TBC1D5: variants seen among roughly 807,000 people sequenced by gnomAD.
The protein encoded by TBC1D5 is TBC1 domain family member 5.
Under a neutral mutation model 100.3 loss-of-function variants are expected in TBC1D5, and 75 were observed. The observed-to-expected ratio is 0.75, with a 90% CI of 0.62 to 0.91. The LOEUF is 0.91. TBC1D5 is among the 40% of genes least tolerant of loss of function. The pLI is 0.00. For missense variants in TBC1D5, 910 were observed against 942.4 expected, an observed-to-expected ratio of 0.97 and a Z score of 0.45; for synonymous variants, 323 against 325.6, an observed-to-expected ratio of 0.99 and a Z score of 0.09.
Position 17,354,724 on chromosome 3 carries a change from A to G in TBC1D5, c.995+17351T>C, listed in dbSNP as rs75056230. ...AAATATGAAAAAAGGAGTAAAAAAA[A>G]AAACCCCAGAGAAACTGATTTAACT... On this transcript the variant is annotated intron_variant, in intron 13 of 21. Coordinates refer to ENST00000253692, the Ensembl canonical transcript of TBC1D5. 5.0e-3 allele frequency among the ~76,000 whole-genome samples: 754 copies of G among 152,056 alleles called. 13 individuals are homozygous for G. The East Asian group carries it at 0.073, about 15-fold the overall frequency.
At chr3:17,602,213 T>C (rs1190939985) in intron 2 of TBC1D5, among the ~76,000 whole-genome samples, 1 of 152,198 alleles carries the variant, frequency 6.6e-6, no homozygotes, top group Non-Finnish European at 1.5e-5. Flanking sequence ...AGTATACCTA[T>C]CAGTAATGTG....
chr3:17,277,394 T>C (rs1261915675), intron 15 of TBC1D5, among the ~76,000 whole-genome samples: 3 of 152,224 alleles, frequency 2.0e-5, no homozygotes, highest in South Asian at 4.1e-4. Flanking sequence ...GGGTGGCACA[T>C]AGTTCAAGAA....
intron 15 of TBC1D5, among the ~76,000 whole-genome samples, chr3:17,272,387 A>G (rs1471804853): frequency 6.6e-6 from 1 of 152,236 alleles, no homozygotes; most frequent in African/African-American, 2.4e-5. Context: ...TGAGGCATCA[A>G]TTAAGCAGAA....
intron 15 of TBC1D5, among the ~76,000 whole-genome samples, chr3:17,281,411 T>C (rs913667966): frequency 6.6e-6 from 1 of 152,194 alleles, no homozygotes; most frequent in Non-Finnish European, 1.5e-5. Flanking sequence ...ATGAGGACCA[T>C]ACTCATGTAT....
At chr3:17,645,886 T>A (rs759667205) in intron 1 of TBC1D5, among the ~76,000 whole-genome samples, 11 of 152,188 alleles carry the variant, frequency 7.2e-5, no homozygotes, top group Middle Eastern at 3.4e-3. Context: ...ACAACTCATG[T>A]CTCTCTTTCC....
At chr3:17,706,127 G>C (rs554487757) in intron 1 of TBC1D5, 12 of 1,604,518 alleles carry the variant, frequency 7.5e-6, no homozygotes, top group Non-Finnish European at 9.3e-6. Context: ...CCAGCAAGTC[G>C]GGCTTGAGGC....
At chr3:17,562,269 C>T (rs2096563966) in intron 2 of TBC1D5, 1 of 151,706 alleles carries the variant, frequency 6.6e-6, no homozygotes, top group Admixed American at 6.6e-5. Context: ...AATGGCAAAA[C>T]ATAAATGGAT....
Position 17,689,411 on chromosome 3 carries a change from T to C in TBC1D5, c.-101+49932A>G, listed in dbSNP as rs1005424014. Among the ~76,000 whole-genome samples the C allele has an allele frequency of 3.3e-5, 5 of 151,242 alleles. No individual in the cohort carries two copies. In the South Asian group the frequency reaches 6.2e-4, roughly 19 times the overall value. ...AAAATTAGCTAGGCATGGTGCTGTGTGCCTATGGCCCCAGCTAGCCAGGAG... is the reference window on the plus strand; with the variant it reads ...AAAATTAGCTAGGCATGGTGCTGTGCGCCTATGGCCCCAGCTAGCCAGGAG... On this transcript the variant is annotated intron_variant, in intron 1 of 21. Coordinates refer to ENST00000253692, the Ensembl canonical transcript of TBC1D5.
At chr3:17,396,604 A>AT (rs1294841752) in intron 8 of TBC1D5, among the ~76,000 whole-genome samples, 1 of 152,060 alleles carries the variant, frequency 6.6e-6, no homozygotes, top group Non-Finnish European at 1.5e-5. Context: ...AAATCAATAA[A>AT]TTACTCAGTA....
At chr3:17,649,746 G>A (rs2065358703) in intron 1 of TBC1D5, among the ~76,000 whole-genome samples, 1 of 152,090 alleles carries the variant, frequency 6.6e-6, no homozygotes. Flanking sequence ...GATCCCTCAA[G>A]AATCTACAAT....
intron 3 of TBC1D5, among the ~76,000 whole-genome samples, chr3:17,476,854 T>C (rs1461691735): frequency 1.3e-5 from 2 of 152,056 alleles, no homozygotes; most frequent in African/African-American, 4.8e-5. Context: ...ATTTTTGTAC[T>C]GTTATAAATG....
chr3:17,312,960 C>A (rs1272918876), intron 13 of TBC1D5, among the ~76,000 whole-genome samples: 1 of 152,138 alleles, frequency 6.6e-6, no homozygotes, highest in East Asian at 1.9e-4. Flanking sequence ...ACACACATAC[C>A]TCTTTCAGAT....
chr3:17,570,183 C>T (rs2096618204), intron 2 of TBC1D5, among the ~76,000 whole-genome samples: 1 of 151,932 alleles, frequency 6.6e-6, no homozygotes, highest in Admixed American at 6.6e-5. Flanking sequence ...AGTTAACTGG[C>T]CCATACATCC....
chr3:17,524,991 G>A (rs2096113729), intron 2 of TBC1D5, among the ~76,000 whole-genome samples: 1 of 151,868 alleles, frequency 6.6e-6, no homozygotes, highest in African/African-American at 2.4e-5. Flanking sequence ...AATGCTACCT[G>A]TATGACCCCA....
At chr3:17,654,046 T>G (rs1226817385) in intron 1 of TBC1D5, among the ~76,000 whole-genome samples, 1 of 152,178 alleles carries the variant, frequency 6.6e-6, no homozygotes, top group African/African-American at 2.4e-5. Flanking sequence ...GTCAGCTTAA[T>G]TAAATTTTAA....
intron 17 of TBC1D5, among the ~76,000 whole-genome samples, chr3:17,217,572 G>A (rs769324924): frequency 1.3e-5 from 2 of 151,984 alleles, no homozygotes; most frequent in African/African-American, 2.4e-5. Context: ...CATCCTAGTG[G>A]GTGTGAGATG....
At position 17,494,111 on chromosome 3, in the gene TBC1D5, G is replaced by A. The variant is rs553165147; in HGVS notation, c.97+14363C>T. 9.2e-5 allele frequency among the ~76,000 whole-genome samples: 14 copies of A among 152,234 alleles called. No homozygotes were observed. The South Asian group carries it at 2.9e-3, about 32-fold the overall frequency. On this transcript the variant is annotated intron_variant, in intron 3 of 21. Coordinates refer to ENST00000253692, the Ensembl canonical transcript of TBC1D5. ...TCTTTGGATGAGGTTTTTTGTTGATGTTGTCGTTGATGCTATTTGTTTTTC... is the reference window on the plus strand; with the variant it reads ...TCTTTGGATGAGGTTTTTTGTTGATATTGTCGTTGATGCTATTTGTTTTTC...
At chr3:17,581,171 T>C (rs935795935) in intron 2 of TBC1D5, among the ~76,000 whole-genome samples, 1 of 152,192 alleles carries the variant, frequency 6.6e-6, no homozygotes, top group South Asian at 2.1e-4. Context: ...GCCTGTGCCA[T>C]GTAACACAGG....
In TBC1D5 at chr3:17,712,902, T is replaced by TA. The variant is rs149799912; in HGVS notation, c.-101+26440dup. ...ATACCAGCTTATCACTGGCTATACA[T>TA]ACCACTCTCCATCCCAGTGTCAAAA... On this transcript the variant is annotated intron_variant, in intron 1 of 21. Coordinates refer to ENST00000253692, the Ensembl canonical transcript of TBC1D5. Among the ~76,000 whole-genome samples, 784 of 152,304 alleles carry TA rather than the reference T, an allele frequency of 5.1e-3. 8 individuals are homozygous for TA. The highest frequency in any genetic ancestry group is 0.018 in the African/African-American group (758 of 41,568).
Sources: allele counts gnomAD v4.1 joint callset (sites outside exome capture counted in the v4.1 genomes callset), GRCh38; gene constraint gnomAD v4.1.1; transcripts MANE v1.5; gene names NCBI Gene and HGNC (gene_info 2026-07-23, HGNC 2026-07-21).